PABPC4L: variants seen among roughly 807,000 people sequenced by gnomAD.
The protein encoded by PABPC4L is poly(A) binding protein cytoplasmic 4 like.
For synonymous variants in PABPC4L, 169 were observed against 164.1 expected (o/e 1.03, Z -0.23); for missense variants, 452 against 451.4 (o/e 1.00, Z -0.01).
chr4:134,173,910 T>G, the PABPC4L span, among the ~76,000 whole-genome samples: 1 of 152,230 alleles, frequency 6.6e-6, no homozygotes, highest in Non-Finnish European at 1.5e-5. Context: ...ACTGTAACTT[T>G]TTTACTTTTA....
the PABPC4L span, among the ~76,000 whole-genome samples, chr4:133,969,959 T>C: frequency 4.6e-5 from 7 of 151,828 alleles, no homozygotes; most frequent in East Asian, 1.2e-3. Context: ...AGTCTGATCT[T>C]TCTCAAATCA....
the PABPC4L span, among the ~76,000 whole-genome samples, chr4:133,986,296 A>G: frequency 1.3e-5 from 2 of 152,078 alleles, no homozygotes; most frequent in African/African-American, 4.8e-5. Flanking sequence ...TGAATACTTT[A>G]AAACTATTGT....
chr4:134,146,351 G>GT, the PABPC4L span, among the ~76,000 whole-genome samples: 2 of 151,284 alleles, frequency 1.3e-5, no homozygotes, highest in Admixed American at 6.6e-5. Context: ...GATTTTTAAT[G>GT]TTTTTTTCTA....
Position 134,198,603 on chromosome 4 carries a change from T to C in PABPC4L, c.*1304A>G, listed in dbSNP as rs1027748805. On this transcript the variant is annotated 3_prime_UTR_variant, in exon 2 of 2. Coordinates refer to ENST00000421491, the MANE Select transcript of PABPC4L (RefSeq NM_001114734.2). ...AAAAGCACTTGCTTGCTAGATACCT[T>C]TGGTATGAATCAGAATTTGTAAAGC... 1 of 151,830 alleles carries C rather than the reference T, an allele frequency of 6.6e-6. No individual in the cohort carries two copies. Among genetic ancestry groups the C allele is most frequent in the African/African-American group, 2.4e-5 (1 of 41,418 alleles). 9.4% of individuals were successfully genotyped at this position (151,830 alleles called of 1,614,324 possible). A position where few individuals can be genotyped will look rare whatever the true frequency, so the allele number is the denominator to read the frequency against.
At chr4:134,067,801 C>T in the PABPC4L span, among the ~76,000 whole-genome samples, 2 of 152,028 alleles carry the variant, frequency 1.3e-5, no homozygotes, top group Non-Finnish European at 2.9e-5. Flanking sequence ...CATTCAAGAG[C>T]AATTTGTTTA....
chr4:134,033,233 C>T, the PABPC4L span, among the ~76,000 whole-genome samples: 37 of 151,778 alleles, frequency 2.4e-4, no homozygotes, highest in Non-Finnish European at 4.7e-4. Context: ...GACCACAAAC[C>T]ACACCCATAT....
chr4:134,028,824 A>T, the PABPC4L span, among the ~76,000 whole-genome samples: 9 of 152,180 alleles, frequency 5.9e-5, no homozygotes, highest in Non-Finnish European at 1.2e-4. Flanking sequence ...CATTTAAAAC[A>T]GCTTGTAAAT....
At chr4:134,038,143 G>A in the PABPC4L span, among the ~76,000 whole-genome samples, 1 of 152,122 alleles carries the variant, frequency 6.6e-6, no homozygotes, top group East Asian at 1.9e-4. Context: ...TGAGTATGTT[G>A]AACCAGCCTT....
the PABPC4L span, among the ~76,000 whole-genome samples, chr4:134,176,641 A>G: frequency 6.6e-6 from 1 of 152,172 alleles, no homozygotes; most frequent in Non-Finnish European, 1.5e-5. Flanking sequence ...CAGGCCGATC[A>G]TCTGAAAAAC....
At chr4:134,178,939 AG>A in the PABPC4L span, among the ~76,000 whole-genome samples, 1 of 152,130 alleles carries the variant, frequency 6.6e-6, no homozygotes, top group Admixed American at 6.6e-5. Context: ...TCCCTGAGAG[AG>A]AGGAAGAGAA....
At chr4:134,027,173 C>G in the PABPC4L span, among the ~76,000 whole-genome samples, 1 of 151,956 alleles carries the variant, frequency 6.6e-6, no homozygotes, top group African/African-American at 2.4e-5. Context: ...TTATAAGCAC[C>G]CATGCAGCTT....
the PABPC4L span, among the ~76,000 whole-genome samples, chr4:134,141,225 C>A: frequency 7.9e-5 from 12 of 151,594 alleles, no homozygotes; most frequent in East Asian, 1.9e-4. Context: ...CCAAAAGAAC[C>A]AGTACCACCA....
chr4:134,017,273 T>C, the PABPC4L span, among the ~76,000 whole-genome samples: 1 of 152,250 alleles, frequency 6.6e-6, no homozygotes, highest in East Asian at 1.9e-4. Flanking sequence ...CACTTTCCCT[T>C]CTCAGAATTC....
At chr4:134,130,573 G>A in the PABPC4L span, among the ~76,000 whole-genome samples, 798 of 152,076 alleles carry the variant, frequency 5.2e-3, 10 homozygotes, top group African/African-American at 0.018. Flanking sequence ...CAGGCCCAGA[G>A]AGATTCATAG....
the PABPC4L span, among the ~76,000 whole-genome samples, chr4:133,995,264 G>A: frequency 3.9e-5 from 6 of 152,144 alleles, no homozygotes; most frequent in Non-Finnish European, 5.9e-5. Flanking sequence ...TACTATTGGG[G>A]CACTCCCTCT....
the PABPC4L span, among the ~76,000 whole-genome samples, chr4:134,100,667 G>A: frequency 6.6e-6 from 1 of 151,592 alleles, no homozygotes; most frequent in Non-Finnish European, 1.5e-5. Flanking sequence ...GGGTTATATA[G>A]TACTAGGAAA....
chr4:133,958,434 C>G, the PABPC4L span, among the ~76,000 whole-genome samples: 1 of 152,114 alleles, frequency 6.6e-6, no homozygotes, highest in African/African-American at 2.4e-5. Flanking sequence ...TTTTTCTGAC[C>G]CCTCCAAACT....
At chr4:134,037,941 A>G in the PABPC4L span, among the ~76,000 whole-genome samples, 132 of 152,250 alleles carry the variant, frequency 8.7e-4, 1 homozygote, top group African/African-American at 3.1e-3. Context: ...CCCATTCAGT[A>G]TGATATTGGC....
At chr4:134,043,512 TG>T in the PABPC4L span, among the ~76,000 whole-genome samples, 5 of 152,006 alleles carry the variant, frequency 3.3e-5, no homozygotes, top group African/African-American at 7.2e-5. Context: ...TTGAAAGTAA[TG>T]GAAAAAAACA....
Sources: gnomAD v4.1 joint callset for allele counts (sites outside exome capture counted in the v4.1 genomes callset) on GRCh38, gnomAD v4.1.1 for gene constraint, MANE v1.5 for transcripts, NCBI Gene and HGNC (gene_info 2026-07-23, HGNC 2026-07-21) for gene names.